The following STK32A variants were observed in gnomAD, a reference collection of about 807,000 sequenced individuals.
STK32A encodes the protein serine/threonine-protein kinase 32A.
In STK32A, 41 loss-of-function variants were observed where a neutral mutation model predicts 53.2. The observed-to-expected ratio is 0.77, with a 90% CI of 0.60 to 1.00. The LOEUF (loss-of-function observed/expected upper bound fraction) is 1.00. Ranked by LOEUF, STK32A falls within the 50% of genes least tolerant of loss-of-function variation. STK32A has a pLI of 0.00. For missense variants in STK32A, 458 were observed against 485.8 expected, an observed-to-expected ratio of 0.94 and a Z score of 0.54; for synonymous variants, 166 against 162.8, an observed-to-expected ratio of 1.02 and a Z score of -0.15.
At chr5:147,334,075 A>G (rs188298717) in intron 5 of STK32A, among the ~76,000 whole-genome samples, 10 of 152,302 alleles carry the variant, frequency 6.6e-5, no homozygotes, top group Non-Finnish European at 1.0e-4. Context: ...TTTCCAGATA[A>G]TTGTGAAACA....
At chr5:147,240,470 T>A (rs2151937728) in intron 2 of STK32A, among the ~76,000 whole-genome samples, 1 of 152,324 alleles carries the variant, frequency 6.6e-6, no homozygotes, top group Admixed American at 6.5e-5. Context: ...AGGAAAAGAA[T>A]GGACTGAAAT....
intron 2 of STK32A, among the ~76,000 whole-genome samples, chr5:147,249,196 G>T (rs1753875998): frequency 6.6e-6 from 1 of 152,116 alleles, no homozygotes; most frequent in African/African-American, 2.4e-5. Context: ...AGTATTTATG[G>T]ATTGTGGAAA....
intron 5 of STK32A, among the ~76,000 whole-genome samples, chr5:147,338,021 A>G (rs977619468): frequency 9.2e-5 from 14 of 152,198 alleles, no homozygotes; most frequent in African/African-American, 2.4e-4. Flanking sequence ...TGGAGCATTC[A>G]TGTAGACACT....
intron 8 of STK32A, among the ~76,000 whole-genome samples, chr5:147,366,888 A>C (rs1227855528): frequency 6.8e-6 from 1 of 146,290 alleles, no homozygotes; most frequent in Non-Finnish European, 1.5e-5. Context: ...TTTTTTTTTC[A>C]TTTCATAAGA....
the STK32A span, chr5:147,394,143 C>T: frequency 3.7e-6 from 6 of 1,610,708 alleles, no homozygotes; most frequent in Non-Finnish European, 8.5e-7. Context: ...GAAATAAATT[C>T]CCAGGGGGAA....
intron 7 of STK32A, among the ~76,000 whole-genome samples, chr5:147,361,283 A>T (rs1756490648): frequency 6.6e-6 from 1 of 152,202 alleles, no homozygotes; most frequent in African/African-American, 2.4e-5. Context: ...CGAAGAGTTT[A>T]TCCATGAAGG....
rs186011327 is a variant in STK32A, at chr5:147,309,612, T to C, written c.261-14286T>C. 1.2e-3 allele frequency among the ~76,000 whole-genome samples: 176 copies of C among 152,280 alleles called. 2 individuals are homozygous for C. The highest frequency in any genetic ancestry group is 3.5e-4 in the Non-Finnish European group (24 of 68,026). ...AGTTTGATGAATTGAAAAGCGTAGT[T>C]GTAGAAAGGAAACTCAAGAAGGAAA... On this transcript the variant is annotated intron_variant, in intron 4 of 12. Transcript: ENST00000397936.
intron 2 of STK32A, among the ~76,000 whole-genome samples, chr5:147,273,849 T>C (rs1163651071): frequency 6.6e-6 from 1 of 152,196 alleles, no homozygotes; most frequent in Non-Finnish European, 1.5e-5. Context: ...CTATACTGGT[T>C]ATAACCATAA....
chr5:147,283,470 C>CAAAAAAAAAAAAAAAAAAAAA (rs35437278), intron 4 of STK32A, among the ~76,000 whole-genome samples: 1 of 141,538 alleles, frequency 7.1e-6, no homozygotes, highest in Non-Finnish European at 1.6e-5. Flanking sequence ...GAAATTGAAA[C>CAAAAAAAAAAAAAAAAAAAAA]AAAAAAAAAA....
chr5:147,236,502 C>T (rs185686898), intron 1 of STK32A, among the ~76,000 whole-genome samples: 15 of 151,582 alleles, frequency 9.9e-5, no homozygotes, highest in Middle Eastern at 3.4e-3. Flanking sequence ...CATTTTCCTG[C>T]GAGAGAAAGG....
intron 4 of STK32A, among the ~76,000 whole-genome samples, chr5:147,297,540 T>C (rs1339507129): frequency 5.3e-5 from 8 of 152,174 alleles, no homozygotes; most frequent in Admixed American, 5.2e-4. Context: ...AGTTTGAGCA[T>C]ATAAAGGATT....
At chr5:147,257,606 G>T (rs1275363479) in intron 2 of STK32A, among the ~76,000 whole-genome samples, 3 of 152,110 alleles carry the variant, frequency 2.0e-5, no homozygotes, top group African/African-American at 4.8e-5. Context: ...TCTGGAGGGG[G>T]CAGCGCTTTC....
At chr5:147,260,117 C>A (rs1754450985) in intron 2 of STK32A, among the ~76,000 whole-genome samples, 1 of 124,386 alleles carries the variant, frequency 8.0e-6, no homozygotes, top group Non-Finnish European at 1.7e-5. Flanking sequence ...CCTCTCTGTC[C>A]CTCTCTCTCT....
At chr5:147,258,906 T>TA in intron 2 of STK32A, among the ~76,000 whole-genome samples, 1 of 151,902 alleles carries the variant, frequency 6.6e-6, no homozygotes, top group Middle Eastern at 3.4e-3. Flanking sequence ...TCAGAATTGG[T>TA]ATAGATGGCT....
At chr5:147,319,917 T>C (rs919857482) in intron 4 of STK32A, among the ~76,000 whole-genome samples, 17 of 152,148 alleles carry the variant, frequency 1.1e-4, no homozygotes, top group African/African-American at 4.1e-4. Context: ...AGTTCTGCAA[T>C]AGGAAGTAGG....
intron 2 of STK32A, among the ~76,000 whole-genome samples, chr5:147,256,579 T>G (rs149766727): frequency 0.016 from 2,489 of 152,312 alleles, 81 homozygotes; most frequent in African/African-American, 0.057. Flanking sequence ...TGGCGCAATC[T>G]TGGCTCACTG....
At chr5:147,336,840 C>T (rs1297678945) in intron 5 of STK32A, among the ~76,000 whole-genome samples, 1 of 152,112 alleles carries the variant, frequency 6.6e-6, no homozygotes, top group Non-Finnish European at 1.5e-5. Context: ...AATATTTTTC[C>T]CCTCTCCAGA....
intron 11 of STK32A, among the ~76,000 whole-genome samples, chr5:147,378,424 A>G (rs974544618): frequency 6.6e-6 from 1 of 152,176 alleles, no homozygotes; most frequent in African/African-American, 2.4e-5. Context: ...TGCTGTGTTC[A>G]AAAGGCTTGT....
intron 10 of STK32A, 98 bp from the exon 11 acceptor site, chr5:147,374,992 G>A: frequency 9.0e-7 from 1 of 1,105,068 alleles, no homozygotes; most frequent in Non-Finnish European, 1.3e-6. Flanking sequence ...TTCATGGACT[G>A]CTCCGTTAAG....
Sources: gnomAD v4.1 joint callset for allele counts (sites outside exome capture counted in the v4.1 genomes callset) on GRCh38, gnomAD v4.1.1 for gene constraint, MANE v1.5 for transcripts, NCBI Gene and HGNC (gene_info 2026-07-23, HGNC 2026-07-21) for gene names.